RAB11FIP2: variants seen among roughly 807,000 people sequenced by gnomAD.
RAB11FIP2 encodes RAB11 family interacting protein 2.
A neutral mutation model predicts 40.9 loss-of-function variants in RAB11FIP2; 16 were observed. That is an observed-to-expected ratio of 0.39 (90% CI 0.26 to 0.59). The LOEUF (loss-of-function observed/expected upper bound fraction) is 0.59, where lower values mean the gene tolerates loss of function less well. Ranked by LOEUF, RAB11FIP2 falls within the 20% of genes least tolerant of loss-of-function variation. RAB11FIP2 has a pLI of 0.53. For missense variants in RAB11FIP2, 532 were observed against 606.2 expected, an observed-to-expected ratio of 0.88 and a Z score of 1.28; for synonymous variants, 228 against 213.7, an observed-to-expected ratio of 1.07 and a Z score of -0.58.
At chr10:118,013,283 T>G (rs1846178358) in intron 4 of RAB11FIP2, among the ~76,000 whole-genome samples, 3 of 152,038 alleles carry the variant, frequency 2.0e-5, no homozygotes, top group Non-Finnish European at 4.4e-5. Flanking sequence ...TGAGGAACTT[T>G]GCTCTGGGAA....
chr10:118,039,710 G>C (rs1036777432), intron 2 of RAB11FIP2: 1 of 403,680 alleles, frequency 2.5e-6, no homozygotes, highest in African/African-American at 2.1e-5. Context: ...AGAGGTTCTG[G>C]TTGGCATGAT....
chr10:118,010,000 C>A (rs1251142644), intron 4 of RAB11FIP2, among the ~76,000 whole-genome samples: 1 of 152,038 alleles, frequency 6.6e-6, no homozygotes, highest in East Asian at 1.9e-4. Context: ...GACAAAAATT[C>A]TTTTTAGGCA....
intron 3 of RAB11FIP2, chr10:118,033,850 T>G: frequency 3.1e-6 from 2 of 638,764 alleles, no homozygotes; most frequent in South Asian, 1.7e-5. Context: ...TGCTAAGTGC[T>G]CTAATAAATA....
Position 118,005,805 on chromosome 10 carries a change from T to C in RAB11FIP2, c.*3193A>G, listed in dbSNP as rs534597805. 1 of 152,498 alleles carries C rather than the reference T, an allele frequency of 6.6e-6. No homozygotes were observed. Among genetic ancestry groups the C allele is most frequent in the East Asian group, 1.9e-4 (1 of 5,178 alleles). The allele number at this position is 152,498 out of a possible 1,614,324, so 9.4% of individuals were successfully genotyped here. On this transcript the variant is annotated 3_prime_UTR_variant, in exon 5 of 5. Coordinates refer to ENST00000355624, the MANE Select transcript of RAB11FIP2 (RefSeq NM_014904.3). ...TAAAGAATAAGCACCCTTCCGGGGATGGTAGGCAGGGAGGCGTGGTGGTGA... is the reference window on the plus strand; with the variant it reads ...TAAAGAATAAGCACCCTTCCGGGGACGGTAGGCAGGGAGGCGTGGTGGTGA...
chr10:118,006,887 T>C lies in RAB11FIP2; in HGVS notation c.*2111A>G, dbSNP rs937228738. On this transcript the variant is annotated 3_prime_UTR_variant, in exon 5 of 5. Coordinates refer to ENST00000355624, the MANE Select transcript of RAB11FIP2 (RefSeq NM_014904.3). ...AAAAGAATCGCTCCTTAAAAATCAA[T>C]TTCCCCATAAAAAGAAGAGCAGTAC... 6.6e-6 allele frequency: 1 copy of C among 152,522 alleles called. No homozygotes were observed. The highest frequency in any genetic ancestry group is 1.9e-4 in the East Asian group (1 of 5,192). 9.4% of individuals were successfully genotyped at this position (152,522 alleles called of 1,614,324 possible). A position where few individuals can be genotyped will look rare whatever the true frequency, so the allele number is the denominator to read the frequency against.
intron 3 of RAB11FIP2, chr10:118,033,871 T>C (rs1217910466): frequency 1.5e-6 from 1 of 675,076 alleles, no homozygotes; most frequent in Non-Finnish European, 2.7e-6. Flanking sequence ...TATATATAAA[T>C]CTCAGTAACT....
At chr10:118,025,765 A>T (rs1050098474) in intron 3 of RAB11FIP2, among the ~76,000 whole-genome samples, 3 of 152,054 alleles carry the variant, frequency 2.0e-5, no homozygotes, top group Non-Finnish European at 4.4e-5. Context: ...ATTCATTTTT[A>T]CCTCTCTACC....
chr10:118,018,107 TG>T (rs1197104260), intron 3 of RAB11FIP2: 1 of 152,178 alleles, frequency 6.6e-6, no homozygotes, highest in African/African-American at 2.4e-5. Context: ...GCTCTTGTAC[TG>T]GGTATTGTCT....
Position 118,007,480 on chromosome 10 carries a change from TTTTG to T in RAB11FIP2, c.*1514_*1517del, listed in dbSNP as rs1846107077. On this transcript the variant is annotated 3_prime_UTR_variant, in exon 5 of 5. Transcript: ENST00000355624. Reference sequence around the variant, plus strand: ...AAAAACCCAAACTATTATATCGGCTTTTTGTTTAACTTTCAATGGAGTCTTAACA... The same window carrying T: ...AAAAACCCAAACTATTATATCGGCTTTTTAACTTTCAATGGAGTCTTAACA... The T allele has an allele frequency of 6.6e-6, 1 of 151,710 alleles. No homozygotes were observed. The highest frequency in any genetic ancestry group is 2.4e-5 in the African/African-American group (1 of 41,410). The allele number at this position is 151,710 out of a possible 1,614,324, so 9.4% of individuals were successfully genotyped here. A position where few individuals can be genotyped will look rare whatever the true frequency, so the allele number is the denominator to read the frequency against.
chr10:118,043,032 G>T (rs1484177007), intron 1 of RAB11FIP2, among the ~76,000 whole-genome samples: 1 of 151,782 alleles, frequency 6.6e-6, no homozygotes, highest in Non-Finnish European at 1.5e-5. Flanking sequence ...GAGCTTACTG[G>T]ATTAGCTGAC....
intron 3 of RAB11FIP2, among the ~76,000 whole-genome samples, chr10:118,035,689 C>T (rs1233147033): frequency 6.6e-6 from 1 of 151,956 alleles, no homozygotes; most frequent in Non-Finnish European, 1.5e-5. Context: ...AAATGCAGAC[C>T]CTGCTATCAA....
intron 3 of RAB11FIP2, among the ~76,000 whole-genome samples, chr10:118,015,442 C>T (rs1225095679): frequency 6.6e-6 from 1 of 152,180 alleles, no homozygotes; most frequent in African/African-American, 2.4e-5. Flanking sequence ...ATTATATTTA[C>T]ACACAGTCAC....
chr10:118,045,760 C>T, intron 1 of RAB11FIP2, 51 bp downstream of exon 1: 1 of 1,417,314 alleles, frequency 7.1e-7, no homozygotes, highest in South Asian at 1.4e-5. Context: ...ACAGAAAAAC[C>T]ATAAATAAGA....
At position 118,008,967 on chromosome 10, in the gene RAB11FIP2, T is replaced by C; in HGVS notation, c.*31A>G. 1 of 1,518,104 alleles carries C rather than the reference T, an allele frequency of 6.6e-7. No individual in the cohort carries two copies. The highest frequency in any genetic ancestry group is 9.1e-7 in the Non-Finnish European group (1 of 1,095,842). 94.0% of individuals were successfully genotyped at this position (1,518,104 alleles called of 1,614,324 possible). ...TTCCTTCTTTCTTTCTCTCTCTTTGTCCAATTATCAATACAATACAATTGG... is the reference window on the plus strand; with the variant it reads ...TTCCTTCTTTCTTTCTCTCTCTTTGCCCAATTATCAATACAATACAATTGG... On this transcript the variant is annotated 3_prime_UTR_variant, in exon 5 of 5. Coordinates refer to ENST00000355624, the MANE Select transcript of RAB11FIP2 (RefSeq NM_014904.3).
At position 118,043,076 on chromosome 10, in the gene RAB11FIP2, G is replaced by T. The variant is rs1846581959; in HGVS notation, c.354-2511C>A. ...ACCTCTGGAGTACTGGATTTAAACT[G>T]TACATGGCCTCTGTTCAATTTTTAG... On this transcript the variant is annotated intron_variant, in intron 1 of 4. Coordinates refer to ENST00000355624, the MANE Select transcript of RAB11FIP2 (RefSeq NM_014904.3). Among the ~76,000 whole-genome samples, 2 of 152,062 alleles carry T rather than the reference G, an allele frequency of 1.3e-5. 1 individual carries two copies. The highest frequency in any genetic ancestry group is 2.9e-5 in the Non-Finnish European group (2 of 67,996).
intron 3 of RAB11FIP2, among the ~76,000 whole-genome samples, chr10:118,031,543 T>C (rs1846413688): frequency 6.6e-6 from 1 of 151,936 alleles, no homozygotes; most frequent in South Asian, 2.1e-4. Flanking sequence ...AATTGACTCA[T>C]TAAGGAAGGA....
chr10:118,021,642 T>G (rs932322446), intron 3 of RAB11FIP2, among the ~76,000 whole-genome samples: 1 of 152,234 alleles, frequency 6.6e-6, no homozygotes, highest in Non-Finnish European at 1.5e-5. Flanking sequence ...CCAATACTCA[T>G]TGCTTCTTTG....
Position 118,014,939 on chromosome 10 carries a change from C to G in RAB11FIP2, c.1311+126G>C, listed in dbSNP as rs192753890. On this transcript the variant is annotated intron_variant, in intron 4 of 4. Transcript: ENST00000355624. ...TTCTTTCTTTCTCCTAAAATTACTA[C>G]GCTAAGCTACAATTCTTAGGTAAGT... 3 of 728,062 alleles carry G rather than the reference C, an allele frequency of 4.1e-6. 1 individual carries two copies. The highest frequency in any genetic ancestry group is 4.5e-6 in the Non-Finnish European group (2 of 446,846). The allele number at this position is 728,062 out of a possible 1,614,324, so 45.1% of individuals were successfully genotyped here.
chr10:118,019,879 T>C lies in RAB11FIP2; in HGVS notation c.1266-4769A>G, dbSNP rs567872283. ...GCTTCACTTTCATGACAAAGGTATA[T>C]ACTGAGAACTGTGACATAATATAAC... is the stretch of plus-strand genomic sequence containing the variant. On this transcript the variant is annotated intron_variant, in intron 3 of 4. Transcript: ENST00000355624. Among the ~76,000 whole-genome samples, 123 of 149,944 alleles carry C rather than the reference T, an allele frequency of 8.2e-4. 1 individual carries two copies. Among genetic ancestry groups the C allele is most frequent in the African/African-American group, 3.0e-3 (121 of 40,978 alleles).
Sources: allele counts gnomAD v4.1 joint callset (sites outside exome capture counted in the v4.1 genomes callset), GRCh38; gene constraint gnomAD v4.1.1; transcripts MANE v1.5; gene names NCBI Gene and HGNC (gene_info 2026-07-23, HGNC 2026-07-21).